The following ADAD1 variants were observed in gnomAD, a reference collection of about 807,000 sequenced individuals.
ADAD1 encodes the protein adenosine deaminase domain containing 1, also known as adenosine deaminase domain-containing protein 1.
ADAD1 carries 46 observed loss-of-function variants against 66.8 expected under a neutral mutation model. The ratio of observed to expected loss-of-function variants is 0.69; its 90% CI spans 0.54 to 0.88. ADAD1 has a LOEUF of 0.88. ADAD1 is among the 40% of genes least tolerant of loss of function. The pLI, the probability that ADAD1 is intolerant of heterozygous loss-of-function variation, is 0.00. For missense variants in ADAD1, 617 were observed against 681.8 expected, an observed-to-expected ratio of 0.91 and a Z score of 1.06; for synonymous variants, 248 against 229.4, an observed-to-expected ratio of 1.08 and a Z score of -0.73.
intron 5 of ADAD1, among the ~76,000 whole-genome samples, chr4:122,392,585 A>T (rs181490210): frequency 6.6e-6 from 1 of 152,256 alleles, no homozygotes; most frequent in Non-Finnish European, 1.5e-5. Context: ...GTAAAAGAAA[A>T]ACTACCTTTG....
chr4:122,395,578 G>C (rs1368402750), intron 6 of ADAD1, among the ~76,000 whole-genome samples: 1 of 151,886 alleles, frequency 6.6e-6, no homozygotes, highest in African/African-American at 2.4e-5. Flanking sequence ...CTACTTGGGA[G>C]GCTGAGACAG....
chr4:122,398,765 T>G (rs1043485432), intron 7 of ADAD1, among the ~76,000 whole-genome samples: 1 of 152,126 alleles, frequency 6.6e-6, no homozygotes, highest in African/African-American at 2.4e-5. Context: ...TTGTCCATGT[T>G]ATATCTTCTT....
chr4:122,418,688 C>G (rs944614654), intron 11 of ADAD1, among the ~76,000 whole-genome samples: 1 of 152,134 alleles, frequency 6.6e-6, no homozygotes, highest in Admixed American at 6.5e-5. Context: ...TGAGGTAGTT[C>G]AGAGGGTTTT....
At chr4:122,383,020 G>C (rs528249325) in intron 4 of ADAD1, among the ~76,000 whole-genome samples, 2 of 152,260 alleles carry the variant, frequency 1.3e-5, no homozygotes, top group South Asian at 4.1e-4. Flanking sequence ...TGGAGAGTCA[G>C]ATTCCTAAAG....
intron 11 of ADAD1, among the ~76,000 whole-genome samples, chr4:122,418,218 T>C (rs1796832460): frequency 6.6e-6 from 1 of 151,558 alleles, no homozygotes; most frequent in African/African-American, 2.4e-5. Flanking sequence ...AAATATAATT[T>C]AAAACCTGAA....
At chr4:122,387,829 G>A (rs887467604) in intron 5 of ADAD1, among the ~76,000 whole-genome samples, 5 of 150,718 alleles carry the variant, frequency 3.3e-5, no homozygotes, top group Non-Finnish European at 4.4e-5. Flanking sequence ...GCATGATCTC[G>A]GCTCACTGCA....
intron 6 of ADAD1, among the ~76,000 whole-genome samples, chr4:122,394,146 G>A (rs756801447): frequency 1.2e-4 from 18 of 152,056 alleles, no homozygotes; most frequent in African/African-American, 7.2e-5. Context: ...TAGTCATTAC[G>A]GTAATTATCT....
rs1433948911 is a variant in ADAD1 at position 122,396,357 on chromosome 4, C to G, written c.704C>G (p.Ala235Gly). 8.8e-6 allele frequency: 14 copies of G among 1,582,784 alleles called. No individual in the cohort carries two copies. The Admixed American group carries it at 2.6e-4, about 29-fold the overall frequency. The change falls in exon 7 of 13, where the codon GCT (alanine) becomes GGT (glycine). Residue 235 changes from alanine to glycine, a missense_variant. By Grantham distance (60) the Ala-to-Gly change is moderately conservative. Transcript: ENST00000296513. ...TACCTGAAATATAGCAGTTCATTGG[C>G]TGCTTTTATAATTGAAAGAGGTAAG... ...SEYLKYSSSL[A>G]AFIIERAGQH...
At chr4:122,418,608 C>T (rs1796864359) in intron 11 of ADAD1, among the ~76,000 whole-genome samples, 1 of 152,054 alleles carries the variant, frequency 6.6e-6, no homozygotes, top group Non-Finnish European at 1.5e-5. Flanking sequence ...AGGCGTGAGC[C>T]ACCAATAAAC....
chr4:122,396,517 A>G (rs1795724805), intron 7 of ADAD1, 140 bp downstream of exon 7: 1 of 628,854 alleles, frequency 1.6e-6, no homozygotes, highest in Non-Finnish European at 2.4e-6. Context: ...CATTAAACAC[A>G]AAGCTTCTCC....
chr4:122,421,483 T>C, intron 12 of ADAD1, 93 bp downstream of exon 12: 1 of 1,183,752 alleles, frequency 8.4e-7, no homozygotes, highest in Non-Finnish European at 1.1e-6. Context: ...AAAAGTTTGT[T>C]GAATACTTCC....
At chr4:122,404,265 G>A (rs1448630581) in intron 7 of ADAD1, among the ~76,000 whole-genome samples, 1 of 152,122 alleles carries the variant, frequency 6.6e-6, no homozygotes, top group Non-Finnish European at 1.5e-5. Flanking sequence ...CCTTTAACCT[G>A]TAGCCCCTTC....
chr4:122,427,079 A>G (rs2390328), intron 12 of ADAD1, among the ~76,000 whole-genome samples: 8,059 of 152,278 alleles, frequency 0.053, 726 homozygotes, highest in African/African-American at 0.18. Context: ...TGTAGGTAAA[A>G]TATACTTTGG....
chr4:122,398,155 C>A lies in ADAD1; in HGVS notation c.724+1778C>A, dbSNP rs1355793538. 2.0e-5 allele frequency among the ~76,000 whole-genome samples: 3 copies of A among 151,924 alleles called. No homozygotes were observed. In the East Asian group the frequency reaches 5.8e-4, roughly 29 times the overall value. On this transcript the variant is annotated intron_variant, in intron 7 of 12. Coordinates refer to ENST00000296513, the MANE Select transcript of ADAD1 (RefSeq NM_139243.4). ...ATCCCTCATCCCCCCTGCTACCCTTCCCCCGGTGCCCCAGAGTCCATTATA... is the reference window on the plus strand; with the variant it reads ...ATCCCTCATCCCCCCTGCTACCCTTACCCCGGTGCCCCAGAGTCCATTATA...
chr4:122,385,001 A>T (rs1795095019), intron 5 of ADAD1, among the ~76,000 whole-genome samples: 2 of 152,170 alleles, frequency 1.3e-5, no homozygotes, highest in South Asian at 4.1e-4. Flanking sequence ...TAATAAGGTC[A>T]TCTTTTTCCC....
In ADAD1 at chr4:122,407,922, G is replaced by T; in HGVS notation, c.739G>T (p.Val247Phe). ...TTTTCTTTCAGCTGGACAACATGAG[G>T]TTGTAGCTATAGGCACAGGTGAATA... is the stretch of plus-strand genomic sequence containing the variant. ...FIIERAGQHEVVAIGTGEYNY... is the reference protein window; with the variant it reads ...FIIERAGQHEFVAIGTGEYNY... The change falls in exon 8 of 13, where the codon GTT becomes TTT. Residue 247 changes from valine (V) to phenylalanine (F), a missense_variant. Physicochemically the swap from Val to Phe is conservative, Grantham distance 50 (BLOSUM62 -1). Transcript: ENST00000296513. 6.2e-7 allele frequency: 1 copy of T among 1,613,356 alleles called. No homozygotes were observed. The highest frequency in any genetic ancestry group is 8.5e-7 in the Non-Finnish European group (1 of 1,179,600).
chr4:122,381,995 C>T (rs1272860337), intron 4 of ADAD1, among the ~76,000 whole-genome samples: 3 of 152,074 alleles, frequency 2.0e-5, no homozygotes, highest in Admixed American at 6.5e-5. Context: ...ATAGTTACAG[C>T]GACATCAAGT....
chr4:122,412,160 G>A (rs575562453), intron 9 of ADAD1, among the ~76,000 whole-genome samples: 1 of 152,174 alleles, frequency 6.6e-6, no homozygotes, highest in South Asian at 2.1e-4. Flanking sequence ...TCTCTAGAAA[G>A]AACCTTAAAG....
intron 5 of ADAD1, among the ~76,000 whole-genome samples, chr4:122,391,597 A>G (rs531479971): frequency 1.2e-4 from 18 of 152,288 alleles, no homozygotes; most frequent in East Asian, 3.9e-4. Flanking sequence ...GCCCCGCCCA[A>G]TGAGGAAGGA....
Sources: gnomAD v4.1 joint callset for allele counts (sites outside exome capture counted in the v4.1 genomes callset) on GRCh38, gnomAD v4.1.1 for gene constraint, MANE v1.5 for transcripts, NCBI Gene and HGNC (gene_info 2026-07-23, HGNC 2026-07-21) for gene names.